Variants in TRAK1 observed in about 807,000 individuals in gnomAD.
The protein encoded by TRAK1 is trafficking kinesin protein 1.
Under a neutral mutation model 92.1 loss-of-function variants are expected in TRAK1, and 33 were observed. The ratio of observed to expected loss-of-function variants is 0.36; its 90% confidence interval spans 0.27 to 0.48. TRAK1 has a LOEUF of 0.48. Among genes scored for constraint, TRAK1 ranks in the 20% least tolerant of loss-of-function variants. The pLI, the probability that TRAK1 is intolerant of heterozygous loss-of-function variation, is 0.99. For synonymous variants in TRAK1, 521 were observed against 517.3 expected (o/e 1.01, Z -0.10); for missense variants, 1,123 against 1,257.9 (o/e 0.89, Z 1.62).
At chr3:42,181,772 G>T (rs1704034761) in intron 3 of TRAK1, among the ~76,000 whole-genome samples, 12 of 152,082 alleles carry the variant, frequency 7.9e-5, no homozygotes, top group Admixed American at 7.9e-4. Context: ...GTGAACATTG[G>T]TATTGCAGTT....
intron 1 of TRAK1, among the ~76,000 whole-genome samples, chr3:42,029,782 C>A (rs993148572): frequency 6.6e-6 from 1 of 151,932 alleles, no homozygotes; most frequent in Non-Finnish European, 1.5e-5. Context: ...CTCCTGGCCT[C>A]AAGTGATCCA....
intron 2 of TRAK1, among the ~76,000 whole-genome samples, chr3:42,166,760 A>G (rs1177889153): frequency 6.6e-6 from 1 of 152,242 alleles, no homozygotes; most frequent in Non-Finnish European, 1.5e-5. Context: ...AACTTCATTA[A>G]TAGTGATACT....
intron 14 of TRAK1, chr3:42,210,799 G>A (rs1708933995): frequency 1.0e-6 from 1 of 985,324 alleles, no homozygotes; most frequent in African/African-American, 1.7e-5. Context: ...AGCTTTTCCA[G>A]AGAGAAGACC....
intron 2 of TRAK1, among the ~76,000 whole-genome samples, chr3:42,153,424 A>G (rs1386199933): frequency 6.6e-6 from 1 of 152,026 alleles, no homozygotes; most frequent in Non-Finnish European, 1.5e-5. Flanking sequence ...AAGGAATGGT[A>G]TTTTGAACAA....
intron 2 of TRAK1, among the ~76,000 whole-genome samples, chr3:42,176,214 T>C (rs2149360362): frequency 6.6e-6 from 1 of 152,330 alleles, no homozygotes; most frequent in African/African-American, 2.4e-5. Context: ...ATCATAGTAG[T>C]CTTTTTAATG....
At chr3:42,042,648 G>C (rs532126352) in intron 1 of TRAK1, among the ~76,000 whole-genome samples, 43 of 149,676 alleles carry the variant, frequency 2.9e-4, no homozygotes, top group African/African-American at 9.2e-4. Flanking sequence ...TGGGATTACA[G>C]GTGTGAGCCA....
chr3:42,159,989 G>C (rs561166300), intron 2 of TRAK1, among the ~76,000 whole-genome samples: 66 of 152,330 alleles, frequency 4.3e-4, no homozygotes, highest in African/African-American at 1.5e-3. Context: ...CATTGCTGCT[G>C]GGGGAGGAAA....
intron 14 of TRAK1, chr3:42,217,338 C>T: frequency 1.0e-6 from 1 of 985,418 alleles, no homozygotes; most frequent in Non-Finnish European, 1.2e-6. Flanking sequence ...GGCCAAATCT[C>T]TGGCTTTAGC....
chr3:42,179,530 G>C (rs975199883), intron 3 of TRAK1, among the ~76,000 whole-genome samples: 1 of 152,254 alleles, frequency 6.6e-6, no homozygotes, highest in Non-Finnish European at 1.5e-5. Context: ...CGGTTACAGA[G>C]AGGGTGATTC....
chr3:42,027,009 T>C (rs1399869038), intron 1 of TRAK1, among the ~76,000 whole-genome samples: 2 of 152,190 alleles, frequency 1.3e-5, no homozygotes, highest in African/African-American at 2.4e-5. Flanking sequence ...CCTCAATGTA[T>C]ACTCTTTAAT....
At chr3:42,036,156 C>T (rs1273070015) in intron 1 of TRAK1, among the ~76,000 whole-genome samples, 1 of 152,158 alleles carries the variant, frequency 6.6e-6, no homozygotes, top group Non-Finnish European at 1.5e-5. Context: ...GCTGACCTGG[C>T]ATCTGGCACT....
intron 2 of TRAK1, among the ~76,000 whole-genome samples, chr3:42,139,769 A>G (rs1698425057): frequency 6.6e-6 from 1 of 152,162 alleles, no homozygotes; most frequent in Non-Finnish European, 1.5e-5. Context: ...ATCTAAGACA[A>G]AGCTGGAACG....
intron 1 of TRAK1, among the ~76,000 whole-genome samples, chr3:42,116,047 T>C (rs934446409): frequency 6.6e-6 from 1 of 152,226 alleles, no homozygotes; most frequent in African/African-American, 2.4e-5. Flanking sequence ...TAGATACAAG[T>C]GCTTTGCGTT....
intron 14 of TRAK1, 88 bp downstream of exon 14, chr3:42,210,073 C>T (rs369739592): frequency 1.6e-5 from 25 of 1,601,378 alleles, no homozygotes; most frequent in South Asian, 4.4e-5. Context: ...ATGCAGGAGC[C>T]GCCAGCGGCC....
chr3:42,223,053 C>T lies in TRAK1; in HGVS notation c.2178C>T (p.Asn726=). 14 of 1,614,120 alleles carry T rather than the reference C, an allele frequency of 8.7e-6. No homozygotes were observed. The highest frequency in any genetic ancestry group is 1.6e-4 in the Middle Eastern group (1 of 6,062). Residue 726 remains asparagine (N), a synonymous_variant, in exon 16 of 16, where the codon AAC becomes AAT. Transcript: ENST00000327628. The surrounding 1 kb of genome is among the most constrained non-coding windows in gnomAD (Gnocchi z 6.1). ...TGAGCCTGGCTGAGTCCTTCACTAACACCCGTGAGTCCACGACCACCATGA... is the reference window on the plus strand; with the variant it reads ...TGAGCCTGGCTGAGTCCTTCACTAATACCCGTGAGTCCACGACCACCATGA... ...RRLSLAESFT[N]TRESTTTMST... is the part of the protein sequence containing the mutation.
At chr3:42,106,586 ACT>A (rs1200009405) in intron 1 of TRAK1, among the ~76,000 whole-genome samples, 8 of 152,044 alleles carry the variant, frequency 5.3e-5, no homozygotes, top group African/African-American at 1.9e-4. Flanking sequence ...GTGTATAGTG[ACT>A]CTATCACCTG....
Position 42,025,761 on chromosome 3 carries a change from C to T in TRAK1, c.-519+11644C>T, listed in dbSNP as rs1168223512. Among the ~76,000 whole-genome samples, 5 of 151,758 alleles carry T rather than the reference C, an allele frequency of 3.3e-5. 1 individual carries two copies. Among genetic ancestry groups the T allele is most frequent in the Non-Finnish European group, 5.9e-5 (4 of 67,966 alleles). ...GAATCTGCTGGAGAAGGAGCAGTCA[C>T]GTGGGTGGTGAGCTCATTAGGCTGG... On this transcript the variant is annotated intron_variant, in intron 1 of 16. Coordinates refer to the TRAK1 transcript ENST00000487159.
chr3:42,038,810 T>TTTG (rs1328336227), intron 1 of TRAK1, among the ~76,000 whole-genome samples: 5 of 146,258 alleles, frequency 3.4e-5, no homozygotes, highest in African/African-American at 1.3e-4. Flanking sequence ...AAAGTTTTTT[T>TTTG]TTTTTTTTTT....
intron 2 of TRAK1, among the ~76,000 whole-genome samples, chr3:42,158,748 C>G (rs1451197542): frequency 1.4e-5 from 2 of 146,568 alleles, no homozygotes; most frequent in Admixed American, 6.8e-5. Context: ...TTGAGACCAT[C>G]CTGGTGAACA....
Sources: allele counts gnomAD v4.1 joint callset (sites outside exome capture counted in the v4.1 genomes callset), GRCh38; gene constraint gnomAD v4.1.1; non-coding constraint Gnocchi (gnomAD v3.1); transcripts MANE v1.5; gene names NCBI Gene and HGNC (gene_info 2026-07-23, HGNC 2026-07-21).